CCDC178: variants seen among roughly 807,000 people sequenced by gnomAD.
The protein encoded by CCDC178 is coiled-coil domain containing 178.
CCDC178 carries 126 observed loss-of-function variants against 117.4 expected under a neutral mutation model. That is an observed-to-expected ratio of 1.07 (90% CI 0.93 to 1.24). CCDC178 has a LOEUF of 1.24. CCDC178 is among the 50% of genes most tolerant of loss of function. The probability of loss-of-function intolerance (pLI) is 0.00; values close to 1 mark genes in which losing one functional copy is unlikely to be tolerated. For missense variants in CCDC178, 1,030 were observed against 986.9 expected (o/e 1.04, Z -0.59); for synonymous variants, 283 against 313.4 (o/e 0.90, Z 1.02).
At chr18:33,135,672 G>A (rs1042540483) in intron 20 of CCDC178, among the ~76,000 whole-genome samples, 2 of 152,104 alleles carry the variant, frequency 1.3e-5, no homozygotes, top group East Asian at 1.9e-4. Flanking sequence ...GATTGCATGA[G>A]CGGTTTCACC....
chr18:33,080,976 C>T (rs536971316), intron 21 of CCDC178, among the ~76,000 whole-genome samples: 101 of 152,048 alleles, frequency 6.6e-4, no homozygotes, highest in Non-Finnish European at 1.1e-3. Context: ...AAAGAGATAG[C>T]CCATAAAAGG....
At chr18:33,416,902 A>G (rs1011648415) in intron 2 of CCDC178, among the ~76,000 whole-genome samples, 1 of 148,398 alleles carries the variant, frequency 6.7e-6, no homozygotes, top group African/African-American at 2.5e-5. Context: ...AACCATAATG[A>G]GATATCTATC....
intron 22 of CCDC178, among the ~76,000 whole-genome samples, chr18:32,967,541 G>A (rs2054840753): frequency 6.7e-6 from 1 of 149,876 alleles, no homozygotes; most frequent in Non-Finnish European, 1.5e-5. Flanking sequence ...TTTGCTTGAA[G>A]TGCATTTCTT....
At chr18:32,967,583 A>G (rs1263695727) in intron 22 of CCDC178, among the ~76,000 whole-genome samples, 1 of 151,468 alleles carries the variant, frequency 6.6e-6, no homozygotes, top group Non-Finnish European at 1.5e-5. Flanking sequence ...TTTATGACCA[A>G]TCTACAAATC....
intron 21 of CCDC178, among the ~76,000 whole-genome samples, chr18:32,985,328 G>T (rs372170729): frequency 6.6e-6 from 1 of 151,828 alleles, no homozygotes; most frequent in Non-Finnish European, 1.5e-5. Flanking sequence ...ATGCAATGCG[G>T]GACAGCCTAA....
chr18:33,314,118 G>A (rs990846938), intron 11 of CCDC178, among the ~76,000 whole-genome samples: 13 of 143,502 alleles, frequency 9.1e-5, no homozygotes, highest in Non-Finnish European at 1.8e-4. Flanking sequence ...GGAGAATGGC[G>A]TGAACCCGGG....
chr18:33,422,765 T>C (rs74349891), intron 2 of CCDC178, among the ~76,000 whole-genome samples: 4,964 of 152,272 alleles, frequency 0.033, 280 homozygotes, highest in African/African-American at 0.11. Flanking sequence ...GGAAGCATGA[T>C]GAAAAAACAC....
rs182529655 is a variant in CCDC178 at position 33,232,318 on chromosome 18, T to C, written c.1594-5463A>G. ...CAATACTGAGTCCGGAAACCCACAT[T>C]CAAAGAGAAAAAGGGAGCAACACTA... On this transcript the variant is annotated intron_variant, in intron 15 of 22. Transcript: ENST00000383096. Among the ~76,000 whole-genome samples the C allele has an allele frequency of 9.9e-5, 15 of 152,006 alleles. No individual in the cohort carries two copies. The East Asian group carries it at 2.7e-3, about 28-fold the overall frequency.
At chr18:33,152,990 A>G (rs1007346697) in intron 20 of CCDC178, among the ~76,000 whole-genome samples, 3 of 145,272 alleles carry the variant, frequency 2.1e-5, no homozygotes, top group Non-Finnish European at 4.5e-5. Context: ...GAAAAAACAC[A>G]AGCAGAAATG....
intron 15 of CCDC178, among the ~76,000 whole-genome samples, chr18:33,243,564 AG>A (rs111888191): frequency 1.3e-5 from 2 of 151,764 alleles, no homozygotes; most frequent in African/African-American, 4.8e-5. Context: ...ATAACAGAAA[AG>A]GGGCACTCTA....
At chr18:33,124,970 T>TA (rs2057985551) in intron 20 of CCDC178, among the ~76,000 whole-genome samples, 3 of 152,302 alleles carry the variant, frequency 2.0e-5, no homozygotes, top group Admixed American at 2.0e-4. Context: ...CCCCTTAGTT[T>TA]ATGCCTCAGT....
At chr18:33,095,656 T>C (rs146608602) in intron 20 of CCDC178, among the ~76,000 whole-genome samples, 60 of 152,070 alleles carry the variant, frequency 3.9e-4, no homozygotes, top group African/African-American at 1.4e-3. Context: ...ATTGTGCCCT[T>C]TGGAACCACA....
At chr18:33,292,414 AC>A (rs1395512961) in intron 12 of CCDC178, among the ~76,000 whole-genome samples, 1 of 152,128 alleles carries the variant, frequency 6.6e-6, no homozygotes, top group African/African-American at 2.4e-5. Flanking sequence ...ATAACTAGAG[AC>A]TAGGAAGGGT....
At chr18:33,232,081 G>C (rs1168828602) in intron 15 of CCDC178, among the ~76,000 whole-genome samples, 2 of 152,166 alleles carry the variant, frequency 1.3e-5, no homozygotes, top group African/African-American at 4.8e-5. Context: ...GAATAAAAGA[G>C]ATCAAAGGAT....
In CCDC178 at chr18:33,183,665, C is replaced by T. The variant is rs529471108; in HGVS notation, c.2238+28231G>A. ...ATTTACAACCCATAGAGACAACTCA[C>T]ACAGCTCACTGACACTGGCGCTATT... On this transcript the variant is annotated intron_variant, in intron 20 of 22. Coordinates refer to ENST00000383096, the MANE Select transcript of CCDC178 (RefSeq NM_001105528.4). Among the ~76,000 whole-genome samples, 7 of 152,146 alleles carry T rather than the reference C, an allele frequency of 4.6e-5. No homozygotes were observed. In the East Asian group the frequency reaches 1.4e-3, roughly 29 times the overall value.
intron 20 of CCDC178, among the ~76,000 whole-genome samples, chr18:33,161,074 A>C (rs1288521133): frequency 6.6e-6 from 1 of 152,148 alleles, no homozygotes; most frequent in African/African-American, 2.4e-5. Flanking sequence ...CAACTGTTCT[A>C]GCCTTGTACA....
intron 21 of CCDC178, among the ~76,000 whole-genome samples, chr18:33,076,284 A>G (rs1413596581): frequency 6.6e-6 from 1 of 152,170 alleles, no homozygotes; most frequent in East Asian, 1.9e-4. Flanking sequence ...CTCCAATCCT[A>G]GCATTCTTAG....
At chr18:33,392,720 G>A (rs373863663) in intron 4 of CCDC178, among the ~76,000 whole-genome samples, 60 of 152,118 alleles carry the variant, frequency 3.9e-4, no homozygotes, top group African/African-American at 1.4e-3. Flanking sequence ...TGGAAAGCCG[G>A]GCATGGTGGC....
chr18:33,313,711 T>C (rs1380603777), intron 11 of CCDC178, among the ~76,000 whole-genome samples: 1 of 152,092 alleles, frequency 6.6e-6, no homozygotes, highest in Non-Finnish European at 1.5e-5. Context: ...ACTTGCTATG[T>C]TAATAACCTT....
Sources: allele counts gnomAD v4.1 joint callset (sites outside exome capture counted in the v4.1 genomes callset), GRCh38; gene constraint gnomAD v4.1.1; transcripts MANE v1.5; gene names NCBI Gene and HGNC (gene_info 2026-07-23, HGNC 2026-07-21).